Variants in PCDHGA5 observed in about 807,000 individuals in gnomAD.
PCDHGA5 encodes the protein protocadherin gamma-A5.
In PCDHGA5, 36 loss-of-function variants were observed where a neutral mutation model predicts 56.7. The ratio of observed to expected loss-of-function variants is 0.64; its 90% CI spans 0.49 to 0.84. PCDHGA5 has a LOEUF of 0.84. PCDHGA5 is among the 40% of genes least tolerant of loss of function. The pLI, the probability that PCDHGA5 is intolerant of heterozygous loss-of-function variation, is 0.00. For missense variants in PCDHGA5, 1,305 were observed against 1,201.5 expected (o/e 1.09, Z -1.27); for synonymous variants, 563 against 520.2 (o/e 1.08, Z -1.12).
At chr5:141,376,043 C>G (rs201022484) in intron 1 of PCDHGA5, 1 of 1,613,172 alleles carries the variant, frequency 6.2e-7, no homozygotes, top group Non-Finnish European at 8.5e-7. Context: ...CCAGCCCCCT[C>G]TCTCCGCCAC....
chr5:141,482,383 G>A (rs1594230401), intron 1 of PCDHGA5, among the ~76,000 whole-genome samples: 2 of 152,240 alleles, frequency 1.3e-5, no homozygotes, highest in East Asian at 3.9e-4. Context: ...TAAAGTCCCT[G>A]TATGGAGCAA....
Position 141,477,964 on chromosome 5 carries a change from G to T in PCDHGA5, c.2422-16843G>T, listed in dbSNP as rs2099426491. On this transcript the variant is annotated intron_variant, in intron 1 of 3. Coordinates refer to ENST00000518069, the MANE Select transcript of PCDHGA5 (RefSeq NM_018918.3). The surrounding 1 kb of genome is among the most constrained non-coding windows in gnomAD (Gnocchi z 4.9). Reference sequence around the variant, plus strand: ...ACAGTCTCTTGGGATCCCCTAACCAGAGCCTTTTTGCCATAGGGCTGCACA... The same window carrying T: ...ACAGTCTCTTGGGATCCCCTAACCATAGCCTTTTTGCCATAGGGCTGCACA... 6.2e-7 allele frequency: 1 copy of T among 1,613,978 alleles called. No homozygotes were observed. The highest frequency in any genetic ancestry group is 1.1e-5 in the South Asian group (1 of 91,080).
At chr5:141,407,889 G>T (rs1378600394) in intron 1 of PCDHGA5, 1 of 389,100 alleles carries the variant, frequency 2.6e-6, no homozygotes, top group Non-Finnish European at 4.6e-6. Context: ...TTCGGAGACC[G>T]AATTCAAAAT....
intron 2 of PCDHGA5, among the ~76,000 whole-genome samples, chr5:141,503,568 C>T (rs1357099545): frequency 6.9e-6 from 1 of 144,390 alleles, no homozygotes; most frequent in Non-Finnish European, 1.5e-5. Context: ...CACTGTACTC[C>T]AGCCTGGGTG....
At chr5:141,409,866 G>T in intron 1 of PCDHGA5, 1 of 1,612,376 alleles carries the variant, frequency 6.2e-7, no homozygotes, top group Non-Finnish European at 8.5e-7. Context: ...GTGGGAGACC[G>T]CAATGACAAC....
In PCDHGA5 at chr5:141,382,895, CG is replaced by C. The variant is rs746416348; in HGVS notation, c.2421+16145del. 5.9e-6 allele frequency: 9 copies of C among 1,536,084 alleles called. No individual in the cohort carries two copies. In the Admixed American group the frequency reaches 1.9e-4, roughly 33 times the overall value. On this transcript the variant is annotated intron_variant, in intron 1 of 3. Transcript: ENST00000518069. ...CGGCGCCTAAGCAAGAGAAGCAGGA[CG>C]ACTATGGCGGCTCAGCCGAGGGGCG...
chr5:141,404,772 G>T, intron 1 of PCDHGA5: 2 of 1,613,820 alleles, frequency 1.2e-6, no homozygotes, highest in African/African-American at 1.3e-5. Flanking sequence ...CTCTCCTACC[G>T]CCTATTCAAG....
rs139608956 is a variant in PCDHGA5, at chr5:141,510,637, A to G, written c.2570-310A>G. Among the ~76,000 whole-genome samples, 4 of 152,242 alleles carry G rather than the reference A, an allele frequency of 2.6e-5. No individual in the cohort carries two copies. The East Asian group carries it at 7.7e-4, about 29-fold the overall frequency. ...ACTAAAACCAGAAGAGGTGGTTACC[A>G]TTATCATCCCCATTTTGCAGATGAG... On this transcript the variant is annotated intron_variant, in intron 3 of 3. Transcript: ENST00000518069.
rs577239742 is a variant in PCDHGA5 at position 141,501,564 on chromosome 5, T to C, written c.2481-3829T>C. ...CATAAGATCATAGGCCCTGGAATCA[T>C]ATTAGGCTGGCTTTCAGGTTGCAAC... On this transcript the variant is annotated intron_variant, in intron 2 of 3. Coordinates refer to ENST00000518069, the MANE Select transcript of PCDHGA5 (RefSeq NM_018918.3). 5.9e-5 allele frequency among the ~76,000 whole-genome samples: 9 copies of C among 152,194 alleles called. No individual in the cohort carries two copies. The South Asian group carries it at 1.7e-3, about 28-fold the overall frequency.
chr5:141,385,198 C>A, intron 1 of PCDHGA5: 1 of 1,614,224 alleles, frequency 6.2e-7, no homozygotes, highest in Non-Finnish European at 8.5e-7. Flanking sequence ...TCGGAAGAGT[C>A]ACCTGATCTT....
intron 1 of PCDHGA5, among the ~76,000 whole-genome samples, chr5:141,455,172 G>GT (rs1344126228): frequency 3.3e-5 from 5 of 150,340 alleles, no homozygotes; most frequent in South Asian, 4.2e-4. Context: ...TTTTTTTTTA[G>GT]TTTTTTTATT....
At chr5:141,466,583 C>T (rs2099125595) in intron 1 of PCDHGA5, among the ~76,000 whole-genome samples, 1 of 152,184 alleles carries the variant, frequency 6.6e-6, no homozygotes, top group Admixed American at 6.6e-5. Flanking sequence ...CTCATCCCTT[C>T]TTAAAACAAG....
intron 1 of PCDHGA5, chr5:141,427,833 G>T (rs1345567011): frequency 6.5e-7 from 1 of 1,540,964 alleles, no homozygotes; most frequent in Non-Finnish European, 8.9e-7. Flanking sequence ...CGCGCAGCGT[G>T]CCTTCGACCA....
rs200724467 is a variant in PCDHGA5 at position 141,399,395 on chromosome 5, G to A, written c.2421+32644G>A. 5,303 of 1,613,964 alleles carry A rather than the reference G, an allele frequency of 3.3e-3. 153 individuals carry two copies. In the South Asian group the frequency reaches 0.047, roughly 14 times the overall value. ...AATGTCACCATCACAGCCACAGACA[G>A]GGGCAAGCCGCCCCTCTCCTCCAGC... On this transcript the variant is annotated intron_variant, in intron 1 of 3. Coordinates refer to ENST00000518069, the MANE Select transcript of PCDHGA5 (RefSeq NM_018918.3).
chr5:141,448,103 A>G (rs1252710550), intron 1 of PCDHGA5, among the ~76,000 whole-genome samples: 2 of 151,992 alleles, frequency 1.3e-5, no homozygotes, highest in Non-Finnish European at 2.9e-5. Context: ...AAAAAATTAA[A>G]AGAAAAGAAA....
chr5:141,428,338 T>G, intron 1 of PCDHGA5: 7 of 592,492 alleles, frequency 1.2e-5, no homozygotes, highest in East Asian at 3.1e-5. Flanking sequence ...TATGCTCTTC[T>G]TCCTCGCAGT....
At chr5:141,427,570 C>T (rs1487817661) in intron 1 of PCDHGA5, 1 of 662,270 alleles carries the variant, frequency 1.5e-6, no homozygotes, top group Admixed American at 2.1e-5. Context: ...GGCAAGCCTC[C>T]GCTCTCATCC....
intron 2 of PCDHGA5, among the ~76,000 whole-genome samples, chr5:141,502,404 C>G (rs1270930372): frequency 6.6e-6 from 1 of 151,880 alleles, no homozygotes; most frequent in African/African-American, 2.4e-5. Context: ...TGTCCCCGAA[C>G]CTGGATTTGC....
Position 141,375,827 on chromosome 5 carries a change from G to T in PCDHGA5, c.2421+9076G>T, listed in dbSNP as rs779058063. On this transcript the variant is annotated intron_variant, in intron 1 of 3. Transcript: ENST00000518069. ...TGGCGTGGAGCTGGCGCCCCGCTCC[G>T]CAGAGCCCGGCTACCTGGTGACCAA... The T allele has an allele frequency of 4.3e-6, 7 of 1,614,136 alleles. No individual in the cohort carries two copies. The highest frequency in any genetic ancestry group is 2.7e-5 in the African/African-American group (2 of 75,070).
Sources: allele counts gnomAD v4.1 joint callset (sites outside exome capture counted in the v4.1 genomes callset), GRCh38; gene constraint gnomAD v4.1.1; non-coding constraint Gnocchi (gnomAD v3.1); transcripts MANE v1.5; gene names NCBI Gene and HGNC (gene_info 2026-07-23, HGNC 2026-07-21).